Variants in ZIM2 observed in about 807,000 individuals in gnomAD.
The protein encoded by ZIM2 is zinc finger protein 656.
ZIM2 carries 14 observed loss-of-function variants against 38.6 expected under a neutral mutation model. The ratio of observed to expected loss-of-function variants is 0.36; its 90% CI spans 0.24 to 0.57. ZIM2 has a LOEUF of 0.57. Ranked by LOEUF, ZIM2 falls within the 20% of genes least tolerant of loss-of-function variation. ZIM2 has a pLI of 0.81. For synonymous variants in ZIM2, 247 were observed against 245.8 expected, an observed-to-expected ratio of 1.00 and a Z score of -0.04; for missense variants, 680 against 695.1, an observed-to-expected ratio of 0.98 and a Z score of 0.24.
chr19:56,815,544 C>G (rs1014359503), intron 9 of ZIM2: 3 of 1,613,906 alleles, frequency 1.9e-6, no homozygotes, highest in Non-Finnish European at 2.5e-6. Flanking sequence ...CATAGAGCAT[C>G]CCTCGAGGGC....
At position 56,814,570 on chromosome 19, in the gene ZIM2, A is replaced by G. The variant is rs771452861; in HGVS notation, c.490+3176T>C. The G allele has an allele frequency of 1.9e-6, 3 of 1,613,888 alleles. No individual in the cohort carries two copies. The highest frequency in any genetic ancestry group is 2.2e-5 in the South Asian group (2 of 91,044). ...ATCTGCAAGTTCTGCTGGGTTGACG[A>G]AAGATTCTCCACAGACTGCACATTC... On this transcript the variant is annotated intron_variant, in intron 9 of 12. Transcript: ENST00000629319. This position sits in a 1 kb window ranked among gnomAD's most constrained non-coding sequence, Gnocchi z 5.8.
At chr19:56,812,491 G>A (rs1470825455) in intron 9 of ZIM2, 16 of 984,958 alleles carry the variant, frequency 1.6e-5, no homozygotes, top group Non-Finnish European at 1.9e-5. Flanking sequence ...TTAAGTTAGC[G>A]ATAGAAAGAT....
intron 11 of ZIM2, among the ~76,000 whole-genome samples, chr19:56,779,955 C>G (rs2046241095): frequency 6.6e-6 from 1 of 152,188 alleles, no homozygotes; most frequent in Non-Finnish European, 1.5e-5. Context: ...CTCCCCCTCC[C>G]TTAGTTCCTT....
At chr19:56,795,482 C>T (rs111537585) in intron 9 of ZIM2, among the ~76,000 whole-genome samples, 1 of 152,254 alleles carries the variant, frequency 6.6e-6, no homozygotes, top group Non-Finnish European at 1.5e-5. Context: ...CGCCTCACGC[C>T]CTGGCCTGGC....
intron 9 of ZIM2, chr19:56,816,743 C>T: frequency 6.2e-7 from 1 of 1,614,118 alleles, no homozygotes; most frequent in Non-Finnish European, 8.5e-7. Flanking sequence ...TCCTTACACA[C>T]CCTGCACTCG....
At chr19:56,816,600 A>G (rs1600939576) in intron 9 of ZIM2, 1 of 1,613,970 alleles carries the variant, frequency 6.2e-7, no homozygotes, top group Non-Finnish European at 8.5e-7. Context: ...GAAACTCATT[A>G]AGGGCTGGGC....
intron 4 of ZIM2, among the ~76,000 whole-genome samples, chr19:56,823,902 C>T (rs2060757370): frequency 6.6e-6 from 1 of 152,146 alleles, no homozygotes; most frequent in Non-Finnish European, 1.5e-5. Flanking sequence ...GACCTCACCC[C>T]CAGACACAAA....
intron 9 of ZIM2, chr19:56,809,942 A>G (rs2047996024): frequency 6.5e-6 from 1 of 154,740 alleles, no homozygotes; most frequent in Non-Finnish European, 1.4e-5. Flanking sequence ...GTTGAAATAG[A>G]TAATACTTAA....
intron 9 of ZIM2, among the ~76,000 whole-genome samples, chr19:56,796,611 C>A (rs1032886081): frequency 3.9e-5 from 6 of 152,194 alleles, no homozygotes; most frequent in African/African-American, 1.4e-4. Flanking sequence ...TCTGGCTGCT[C>A]ACCCATGGAC....
intron 1 of ZIM2, among the ~76,000 whole-genome samples, chr19:56,836,756 G>A (rs1287523431): frequency 6.6e-6 from 1 of 152,140 alleles, no homozygotes; most frequent in Non-Finnish European, 1.5e-5. Flanking sequence ...ATCACCTGAG[G>A]TCAGGAGTTC....
chr19:56,802,655 T>C (rs2047582489), intron 9 of ZIM2, among the ~76,000 whole-genome samples: 1 of 152,208 alleles, frequency 6.6e-6, no homozygotes, highest in Non-Finnish European at 1.5e-5. Context: ...TTTTCTGCAT[T>C]CCACTGGCCA....
intron 1 of ZIM2, among the ~76,000 whole-genome samples, chr19:56,839,617 G>A (rs1237932239): frequency 1.3e-5 from 2 of 152,026 alleles, no homozygotes; most frequent in African/African-American, 2.4e-5. Context: ...CCCACTTGCC[G>A]CCAATCAACT....
intron 2 of ZIM2, among the ~76,000 whole-genome samples, chr19:56,830,222 G>A (rs1404373972): frequency 6.6e-6 from 1 of 152,122 alleles, no homozygotes; most frequent in Non-Finnish European, 1.5e-5. Context: ...TTTGCATATA[G>A]ATGCAAAAAC....
At position 56,775,348 on chromosome 19, in the gene ZIM2, T is replaced by C. The variant is rs1399710780; in HGVS notation, c.1017A>G (p.Glu339=). The stretch of plus-strand genomic sequence containing the variant: ...TCGTACATATTCCAGGAGCAGTGCC[T>C]TCCTGGGGATCCTTTCCTAGAGGAT... The part of the protein sequence containing the change: ...SKDPLGKDPQ[E]GTAPGICTSP... The change falls in exon 13 of 13, where the codon GAA becomes GAG. Residue 339 remains glutamate, a synonymous_variant. Transcript: ENST00000629319. The C allele has an allele frequency of 6.2e-7, 1 of 1,614,196 alleles. No homozygotes were observed. The highest frequency in any genetic ancestry group is 1.1e-5 in the South Asian group (1 of 91,074).
chr19:56,776,641 T>A (rs2145825412), intron 12 of ZIM2, among the ~76,000 whole-genome samples: 1 of 152,316 alleles, frequency 6.6e-6, no homozygotes, highest in African/African-American at 2.4e-5. Flanking sequence ...CAACCAATCC[T>A]CTTTAATTCA....
chr19:56,791,892 C>T (rs930014451), intron 9 of ZIM2, among the ~76,000 whole-genome samples: 3 of 152,150 alleles, frequency 2.0e-5, no homozygotes, highest in African/African-American at 7.2e-5. Context: ...TTTGTATCTC[C>T]CACATTTTAT....
At chr19:56,777,806 C>G (rs955812458) in intron 12 of ZIM2, among the ~76,000 whole-genome samples, 2 of 152,182 alleles carry the variant, frequency 1.3e-5, no homozygotes, top group African/African-American at 4.8e-5. Context: ...AACCTCCCCC[C>G]ATCTTTGCAT....
At chr19:56,840,344 CGCCCACCCCT>C (rs1212911686) in intron 1 of ZIM2, among the ~76,000 whole-genome samples, 1 of 152,200 alleles carries the variant, frequency 6.6e-6, no homozygotes, top group African/African-American at 2.4e-5. Flanking sequence ...GCCCGGGCTG[CGCCCACCCCT>C]GCCCCAAAAA....
chr19:56,823,827 G>A (rs563559681), intron 4 of ZIM2, 148 bp from the exon 5 acceptor site: 90 of 961,722 alleles, frequency 9.4e-5, no homozygotes, highest in South Asian at 5.2e-4. Context: ...ACCCTTCAGC[G>A]GCTTCCAACC....
Sources: allele counts gnomAD v4.1 joint callset (sites outside exome capture counted in the v4.1 genomes callset), GRCh38; gene constraint gnomAD v4.1.1; non-coding constraint Gnocchi (gnomAD v3.1); transcripts MANE v1.5; gene names NCBI Gene and HGNC (gene_info 2026-07-23, HGNC 2026-07-21).